SMARCAL1: variants seen among roughly 807,000 people sequenced by gnomAD.
The protein encoded by SMARCAL1 is ATP-driven annealing helicase.
SMARCAL1 carries 58 observed loss-of-function variants against 94.5 expected under a neutral mutation model. The ratio of observed to expected loss-of-function variants is 0.61; its 90% CI spans 0.50 to 0.76. The LOEUF (loss-of-function observed/expected upper bound fraction) is 0.76. SMARCAL1 is among the 30% of genes least tolerant of loss of function. The pLI is 0.00. For synonymous variants in SMARCAL1, 422 were observed against 455.1 expected, an observed-to-expected ratio of 0.93 and a Z score of 0.93; for missense variants, 1,051 against 1,177.9, an observed-to-expected ratio of 0.89 and a Z score of 1.58.
intron 14 of SMARCAL1, among the ~76,000 whole-genome samples, chr2:216,469,279 C>CTTT (rs71054477): frequency 2.2e-4 from 23 of 102,984 alleles, no homozygotes; most frequent in Non-Finnish European, 3.0e-4. Flanking sequence ...TTAGAGATTT[C>CTTT]TTTTTTTTTT....
In SMARCAL1 at chr2:216,415,163, G is replaced by A. The variant is rs1481349293; in HGVS notation, c.459G>A (p.Glu153=). ...LGQGHAQASP[E]IRFTPFANPT... The stretch of plus-strand genomic sequence containing the variant: ...AAGGTCATGCTCAGGCTTCACCTGA[G>A]ATCAGGTTCACACCCTTTGCTAACC... The change falls in exon 3 of 18, where the codon GAG becomes GAA. Residue 153 remains glutamate (E), a synonymous_variant. Transcript: ENST00000357276. 1.2e-6 allele frequency: 2 copies of A among 1,612,794 alleles called. No individual in the cohort carries two copies. Among genetic ancestry groups the A allele is most frequent in the Admixed American group, 1.7e-5 (1 of 59,868 alleles).
chr2:216,456,210 T>G (rs1694563626), intron 12 of SMARCAL1, among the ~76,000 whole-genome samples: 1 of 152,180 alleles, frequency 6.6e-6, no homozygotes, highest in African/African-American at 2.4e-5. Context: ...AGACCAAATC[T>G]ACATCTGATT....
Position 216,475,616 on chromosome 2 carries a change from G to C in SMARCAL1, c.2427+165G>C, listed in dbSNP as rs1452049748. Among the ~76,000 whole-genome samples, 4 of 152,048 alleles carry C rather than the reference G, an allele frequency of 2.6e-5. No individual in the cohort carries two copies. Among genetic ancestry groups the C allele is most frequent in the African/African-American group, 9.7e-5 (4 of 41,406 alleles). The stretch of plus-strand genomic sequence containing the variant: ...TAAGCACTTCTATGTTGATTGACTA[G>C]TCTCTTTTTTTCTTTTTTTGAGACA... On this transcript the variant is annotated intron_variant, in intron 15 of 17. Transcript: ENST00000357276. The surrounding 1 kb of genome is among the most constrained non-coding windows in gnomAD (Gnocchi z 4.4).
In SMARCAL1 at chr2:216,461,844, C is replaced by A. The variant is rs553277044; in HGVS notation, c.2071-2753C>A. Among the ~76,000 whole-genome samples the A allele has an allele frequency of 1.5e-3, 219 of 147,500 alleles. 3 individuals are homozygous for A. In the South Asian group the frequency reaches 0.016, roughly 11 times the overall value. The stretch of plus-strand genomic sequence containing the variant: ...GACCTTGTCTCAAAAAAAAAAAAAA[C>A]AAACCATAATATTTAAAGACTGCAT... On this transcript the variant is annotated intron_variant, in intron 12 of 17. Transcript: ENST00000357276.
At chr2:216,461,829 C>CAA (rs368442196) in intron 12 of SMARCAL1, among the ~76,000 whole-genome samples, 9 of 111,950 alleles carry the variant, frequency 8.0e-5, no homozygotes, top group East Asian at 2.4e-4. Flanking sequence ...GACCTTGTCT[C>CAA]AAAAAAAAAA....
intron 14 of SMARCAL1, among the ~76,000 whole-genome samples, chr2:216,474,996 C>A (rs1220731072): frequency 1.3e-5 from 2 of 152,188 alleles, no homozygotes; most frequent in Admixed American, 1.3e-4. Flanking sequence ...AAGTCAGCAT[C>A]CTGGCTGTGG....
At chr2:216,462,725 C>G (rs1171691229) in intron 12 of SMARCAL1, among the ~76,000 whole-genome samples, 1 of 152,046 alleles carries the variant, frequency 6.6e-6, no homozygotes, top group Non-Finnish European at 1.5e-5. Context: ...GTGGCTCATG[C>G]CTGTAATCCC....
intron 14 of SMARCAL1, among the ~76,000 whole-genome samples, chr2:216,472,321 C>T (rs1694986552): frequency 1.3e-5 from 2 of 152,090 alleles, no homozygotes; most frequent in Non-Finnish European, 2.9e-5. Flanking sequence ...TGCCACTGTA[C>T]TGCAGCCTGG....
intron 6 of SMARCAL1, among the ~76,000 whole-genome samples, chr2:216,424,692 G>A (rs576300371): frequency 1.3e-5 from 2 of 152,176 alleles, no homozygotes; most frequent in Non-Finnish European, 2.9e-5. Flanking sequence ...AAAAAAAGCG[G>A]TGGTCTTTAA....
chr2:216,465,689 AT>A (rs113808610), intron 13 of SMARCAL1, among the ~76,000 whole-genome samples: 41 of 148,476 alleles, frequency 2.8e-4, no homozygotes, highest in Admixed American at 5.4e-4. Flanking sequence ...AGTTTGCCTG[AT>A]TTTTTTTTTT....
intron 4 of SMARCAL1, among the ~76,000 whole-genome samples, chr2:216,420,028 CAAAAAAA>C (rs60555710): frequency 7.5e-5 from 3 of 40,172 alleles, no homozygotes; most frequent in Admixed American, 5.9e-4. Context: ...GACCCCGTCT[CAAAAAAA>C]AAAAAAAAAA....
In SMARCAL1 at chr2:216,415,538, GTT is replaced by G. The variant is rs5838583; in HGVS notation, c.811+37_811+38del. The G allele has an allele frequency of 0.13, 180,550 of 1,391,860 alleles. 3,397 individuals are homozygous for G. Among genetic ancestry groups the G allele is most frequent in the African/African-American group, 0.25 (16,720 of 67,736 alleles). 86.2% of individuals were successfully genotyped at this position (1,391,860 alleles called of 1,614,324 possible). Reference sequence around the variant, plus strand: ...ATGGTAATGTCTTCATTTTTCAGCTGTTTTTTTTTTTTTTTCTTATTTTTGGA... The same window carrying G: ...ATGGTAATGTCTTCATTTTTCAGCTGTTTTTTTTTTTTTCTTATTTTTGGA... On this transcript the variant is annotated intron_variant, in intron 3 of 17. Coordinates refer to ENST00000357276, the MANE Select transcript of SMARCAL1 (RefSeq NM_014140.4).
chr2:216,437,257 C>T (rs921444586), intron 9 of SMARCAL1, among the ~76,000 whole-genome samples: 18 of 152,180 alleles, frequency 1.2e-4, no homozygotes, highest in Non-Finnish European at 1.9e-4. Context: ...ATACATTTTA[C>T]TTGACTGTAA....
intron 12 of SMARCAL1, among the ~76,000 whole-genome samples, chr2:216,461,708 T>C (rs1694709801): frequency 6.6e-6 from 1 of 152,006 alleles, no homozygotes; most frequent in African/African-American, 2.4e-5. Flanking sequence ...TGTGTACCTG[T>C]AGTCCCAGCT....
chr2:216,442,237 C>T (rs760418598), intron 10 of SMARCAL1, among the ~76,000 whole-genome samples: 1 of 151,696 alleles, frequency 6.6e-6, no homozygotes, highest in Non-Finnish European at 1.5e-5. Flanking sequence ...GCCAAAATGG[C>T]GAAACCCCAT....
At position 216,415,166 on chromosome 2, in the gene SMARCAL1, C is replaced by G; in HGVS notation, c.462C>G (p.Ile154Met). 6.2e-7 allele frequency: 1 copy of G among 1,612,620 alleles called. No homozygotes were observed. Among genetic ancestry groups the G allele is most frequent in the Non-Finnish European group, 8.5e-7 (1 of 1,179,014 alleles). The change falls in exon 3 of 18, where the codon ATC becomes ATG. Residue 154 changes from isoleucine (I) to methionine (M), a missense_variant. By Grantham distance (10) the Ile-to-Met change is conservative. Coordinates refer to ENST00000357276, the MANE Select transcript of SMARCAL1 (RefSeq NM_014140.4). ...GTCATGCTCAGGCTTCACCTGAGATCAGGTTCACACCCTTTGCTAACCCAA... is the reference window on the plus strand; with the variant it reads ...GTCATGCTCAGGCTTCACCTGAGATGAGGTTCACACCCTTTGCTAACCCAA... The part of the protein sequence containing the change: ...GQGHAQASPE[I>M]RFTPFANPTH...
chr2:216,473,789 TAACTA>T (rs1208615261), intron 14 of SMARCAL1, among the ~76,000 whole-genome samples: 4 of 152,152 alleles, frequency 2.6e-5, no homozygotes, highest in East Asian at 3.8e-4. Context: ...TAAAAGAAAA[TAACTA>T]AACTAAACAT....
intron 4 of SMARCAL1, among the ~76,000 whole-genome samples, chr2:216,418,114 C>A (rs1278754189): frequency 6.6e-6 from 1 of 151,910 alleles, no homozygotes; most frequent in Non-Finnish European, 1.5e-5. Context: ...GATGGGGCTT[C>A]CTCCATGTTG....
At chr2:216,473,334 G>A (rs1200782240) in intron 14 of SMARCAL1, among the ~76,000 whole-genome samples, 9 of 146,602 alleles carry the variant, frequency 6.1e-5, no homozygotes, top group Non-Finnish European at 1.2e-4. Context: ...TGTGTGTCTC[G>A]TTCCTTTTTA....
Sources: gnomAD v4.1 joint callset for allele counts (sites outside exome capture counted in the v4.1 genomes callset) on GRCh38, gnomAD v4.1.1 for gene constraint, Gnocchi (gnomAD v3.1) non-coding constraint, MANE v1.5 for transcripts, NCBI Gene and HGNC (gene_info 2026-07-23, HGNC 2026-07-21) for gene names.